Variants in PLCXD3 observed in about 807,000 individuals in gnomAD.
PLCXD3 encodes the protein PI-PLC X domain-containing protein 3.
Under a neutral mutation model 25.5 loss-of-function variants are expected in PLCXD3, and 19 were observed. The ratio of observed to expected loss-of-function variants is 0.75; its 90% CI spans 0.52 to 1.09. The LOEUF is 1.09. Ranked by LOEUF, PLCXD3 falls within the 50% of genes least tolerant of loss-of-function variation. The probability of loss-of-function intolerance (pLI) is 0.00; values close to 1 mark genes in which losing one functional copy is unlikely to be tolerated. For missense variants in PLCXD3, 411 were observed against 388.1 expected (o/e 1.06, Z -0.50); for synonymous variants, 174 against 137.6 (o/e 1.26, Z -1.85).
chr5:41,378,729 C>G (rs1455309790), intron 2 of PLCXD3, among the ~76,000 whole-genome samples: 1 of 152,048 alleles, frequency 6.6e-6, no homozygotes, highest in Non-Finnish European at 1.5e-5. Flanking sequence ...TGCTAAAGTA[C>G]ACTGTGAATC....
At chr5:41,473,173 C>T (rs1748203267) in intron 1 of PLCXD3, among the ~76,000 whole-genome samples, 2 of 151,758 alleles carry the variant, frequency 1.3e-5, no homozygotes, top group African/African-American at 4.8e-5. Flanking sequence ...AAATTAGCCA[C>T]CAAGTGGAAA....
chr5:41,405,780 T>G (rs950710904), intron 1 of PLCXD3, among the ~76,000 whole-genome samples: 1 of 152,052 alleles, frequency 6.6e-6, no homozygotes, highest in Non-Finnish European at 1.5e-5. Context: ...TTTGTTTTGT[T>G]TTGTTTTGTT....
intron 1 of PLCXD3, among the ~76,000 whole-genome samples, chr5:41,502,783 A>C (rs1481290756): frequency 6.6e-6 from 1 of 152,170 alleles, no homozygotes; most frequent in East Asian, 1.9e-4. Flanking sequence ...TTTTCCAGGT[A>C]CGTAGGACAG....
intron 2 of PLCXD3, among the ~76,000 whole-genome samples, chr5:41,353,713 G>A (rs917343458): frequency 7.4e-4 from 112 of 152,302 alleles, no homozygotes; most frequent in African/African-American, 2.6e-3. Flanking sequence ...TACGTTGTGT[G>A]ATGAAATCAC....
At chr5:41,331,799 A>C (rs1315910853) in intron 2 of PLCXD3, among the ~76,000 whole-genome samples, 1 of 152,210 alleles carries the variant, frequency 6.6e-6, no homozygotes, top group Non-Finnish European at 1.5e-5. Flanking sequence ...CATATCTACA[A>C]CTATCTGATC....
chr5:41,423,848 T>C (rs1374890623), intron 1 of PLCXD3, among the ~76,000 whole-genome samples: 1 of 152,198 alleles, frequency 6.6e-6, no homozygotes, highest in Non-Finnish European at 1.5e-5. Context: ...ATAAAAACTG[T>C]ATATATTTAA....
At chr5:41,332,575 C>G (rs1462979047) in intron 2 of PLCXD3, among the ~76,000 whole-genome samples, 1 of 151,976 alleles carries the variant, frequency 6.6e-6, no homozygotes, top group African/African-American at 2.4e-5. Context: ...ACCATTTGAC[C>G]CAGCCATCCC....
At chr5:41,365,918 T>A (rs1295879995) in intron 2 of PLCXD3, among the ~76,000 whole-genome samples, 2 of 10,174 alleles carry the variant, frequency 2.0e-4, no homozygotes, top group Admixed American at 5.8e-4. Flanking sequence ...ACCATTTATT[T>A]ATTTATTTAT....
At chr5:41,448,952 C>CTAAA in intron 1 of PLCXD3, among the ~76,000 whole-genome samples, 1 of 152,294 alleles carries the variant, frequency 6.6e-6, no homozygotes, top group South Asian at 2.1e-4. Flanking sequence ...GACCCAAATG[C>CTAAA]TAAACATGCA....
chr5:41,350,422 G>T (rs1412238108), intron 2 of PLCXD3, among the ~76,000 whole-genome samples: 1 of 152,022 alleles, frequency 6.6e-6, no homozygotes, highest in African/African-American at 2.4e-5. Context: ...GAAGCTCTAA[G>T]AGTAAGGGAA....
rs1743106884 is a variant in PLCXD3, at chr5:41,310,427, T to C, written c.*3190A>G. On this transcript the variant is annotated 3_prime_UTR_variant, in exon 3 of 3. Transcript: ENST00000377801. ...TTTTGTTTTTTTGCCTCACAGGACTTGTGAAATAGTCTTAAGAAACAAGTA... is the reference window on the plus strand; with the variant it reads ...TTTTGTTTTTTTGCCTCACAGGACTCGTGAAATAGTCTTAAGAAACAAGTA... 1 of 152,150 alleles carries C rather than the reference T, an allele frequency of 6.6e-6. No individual in the cohort carries two copies. The highest frequency in any genetic ancestry group is 2.1e-4 in the South Asian group (1 of 4,826). 9.4% of individuals were successfully genotyped at this position (152,150 alleles called of 1,614,324 possible).
intron 1 of PLCXD3, among the ~76,000 whole-genome samples, chr5:41,474,289 C>A (rs1748232825): frequency 6.6e-6 from 1 of 152,186 alleles, no homozygotes; most frequent in Non-Finnish European, 1.5e-5. Context: ...TAACAGGCTT[C>A]AGATGTACCT....
intron 2 of PLCXD3, among the ~76,000 whole-genome samples, chr5:41,367,421 T>C (rs1194861488): frequency 6.6e-6 from 1 of 152,230 alleles, no homozygotes; most frequent in African/African-American, 2.4e-5. Flanking sequence ...AAATGTTTGT[T>C]GGCCATAATA....
chr5:41,432,967 T>G (rs1403699013), intron 1 of PLCXD3, among the ~76,000 whole-genome samples: 5 of 152,156 alleles, frequency 3.3e-5, no homozygotes, highest in Non-Finnish European at 7.3e-5. Context: ...CAGAACCAGT[T>G]TCTTATGTCA....
intron 2 of PLCXD3, among the ~76,000 whole-genome samples, chr5:41,356,129 G>GA: frequency 6.6e-6 from 1 of 152,258 alleles, no homozygotes; most frequent in Middle Eastern, 3.4e-3. Flanking sequence ...AGCCAGGCGT[G>GA]GTGGCAGGCG....
chr5:41,501,765 G>C (rs1225944078), intron 1 of PLCXD3, among the ~76,000 whole-genome samples: 3 of 152,114 alleles, frequency 2.0e-5, no homozygotes, highest in Admixed American at 2.0e-4. Context: ...TTCACGAAGA[G>C]AGGTGTGGCG....
At chr5:41,321,937 A>G (rs1743484988) in intron 2 of PLCXD3, among the ~76,000 whole-genome samples, 1 of 152,204 alleles carries the variant, frequency 6.6e-6, no homozygotes, top group South Asian at 2.1e-4. Context: ...ATCAAAATGG[A>G]TTAAAGACTT....
At chr5:41,361,028 G>A (rs1361049646) in intron 2 of PLCXD3, among the ~76,000 whole-genome samples, 1 of 152,078 alleles carries the variant, frequency 6.6e-6, no homozygotes, top group Non-Finnish European at 1.5e-5. Flanking sequence ...CCAAGTGGGG[G>A]CAGGGATAGA....
At chr5:41,362,756 G>T (rs192301646) in intron 2 of PLCXD3, among the ~76,000 whole-genome samples, 275 of 152,242 alleles carry the variant, frequency 1.8e-3, no homozygotes, top group African/African-American at 6.3e-3. Context: ...AGCAACTCCT[G>T]ATCAACCAAC....
Sources: allele counts gnomAD v4.1 joint callset (sites outside exome capture counted in the v4.1 genomes callset), GRCh38; gene constraint gnomAD v4.1.1; transcripts MANE v1.5; gene names NCBI Gene and HGNC (gene_info 2026-07-23, HGNC 2026-07-21).